Variants in PAPSS1 observed in about 807,000 individuals in gnomAD.
PAPSS1 encodes bifunctional 3'-phosphoadenosine 5'-phosphosulfate synthase 1.
In PAPSS1, 50 loss-of-function variants were observed where a neutral mutation model predicts 72.0. That is an observed-to-expected ratio of 0.69 (90% confidence interval 0.55 to 0.88). The LOEUF (loss-of-function observed/expected upper bound fraction) is 0.88, where lower values mean the gene tolerates loss of function less well. Ranked by LOEUF, PAPSS1 falls within the 40% of genes least tolerant of loss-of-function variation. The pLI is 0.00. For synonymous variants in PAPSS1, 261 were observed against 263.6 expected, an observed-to-expected ratio of 0.99 and a Z score of 0.09; for missense variants, 657 against 782.2, an observed-to-expected ratio of 0.84 and a Z score of 1.91.
chr4:107,674,035 C>T (rs971274404), intron 5 of PAPSS1, among the ~76,000 whole-genome samples: 15 of 148,598 alleles, frequency 1.0e-4, no homozygotes, highest in African/African-American at 3.4e-4. Flanking sequence ...CCTAAAAGAG[C>T]TTCTGAAGGA....
Position 107,701,167 on chromosome 4 carries a change from A to G in PAPSS1, c.175+4T>C. 6.3e-7 allele frequency: 1 copy of G among 1,599,438 alleles called. No homozygotes were observed. The highest frequency in any genetic ancestry group is 8.6e-7 in the Non-Finnish European group (1 of 1,166,826). ...ATAAACTGCTTTCTCTCTCTTGACC[A>G]TACCTGTTAGCCAAACTGTGCAACC... On this transcript the variant is annotated splice_donor_region_variant and intron_variant, in intron 2 of 11. Coordinates refer to ENST00000265174, the MANE Select transcript of PAPSS1 (RefSeq NM_005443.5).
At position 107,630,331 on chromosome 4, in the gene PAPSS1, T is replaced by C. The variant is rs1726197033; in HGVS notation, c.1736+1300A>G. 2.0e-5 allele frequency among the ~76,000 whole-genome samples: 3 copies of C among 152,236 alleles called. No individual in the cohort carries two copies. The South Asian group carries it at 6.2e-4, about 31-fold the overall frequency. ...TCTGTGTTCCCACACAAATTCCATC[T>C]TGAATTATAATCCCCACATGTCAGG... On this transcript the variant is annotated intron_variant, in intron 11 of 11. Transcript: ENST00000265174.
At chr4:107,626,367 C>T (rs1726098054) in intron 11 of PAPSS1, among the ~76,000 whole-genome samples, 1 of 152,040 alleles carries the variant, frequency 6.6e-6, no homozygotes, top group African/African-American at 2.4e-5. Context: ...CTGAATAATC[C>T]TGTATCTATC....
At chr4:107,667,929 C>G (rs7654662) in intron 5 of PAPSS1, among the ~76,000 whole-genome samples, 29,574 of 152,038 alleles carry the variant, frequency 0.19, 3,160 homozygotes, top group East Asian at 0.37. Context: ...ATAGTGTTGT[C>G]TTTGATCTGC....
intron 8 of PAPSS1, among the ~76,000 whole-genome samples, chr4:107,654,040 T>C (rs990552550): frequency 2.6e-5 from 4 of 152,164 alleles, no homozygotes; most frequent in African/African-American, 9.7e-5. Flanking sequence ...CCACACCACC[T>C]CAAATTTCTT....
At chr4:107,617,700 A>G (rs1212653822) in intron 11 of PAPSS1, among the ~76,000 whole-genome samples, 1 of 152,212 alleles carries the variant, frequency 6.6e-6, no homozygotes, top group Non-Finnish European at 1.5e-5. Context: ...CACATTTTAC[A>G]TGTCTACACC....
chr4:107,634,797 A>T (rs867091460), intron 10 of PAPSS1, among the ~76,000 whole-genome samples: 24 of 115,992 alleles, frequency 2.1e-4, no homozygotes, highest in African/African-American at 4.0e-4. Flanking sequence ...TATTCTAGAC[A>T]TTTTTTTTTT....
rs547851158 is a variant in PAPSS1, at chr4:107,673,880, G to A, written c.669+8135C>T. Among the ~76,000 whole-genome samples, 12 of 152,292 alleles carry A rather than the reference G, an allele frequency of 7.9e-5. No individual in the cohort carries two copies. In the South Asian group the frequency reaches 2.1e-3, roughly 26 times the overall value. On this transcript the variant is annotated intron_variant, in intron 5 of 11. Transcript: ENST00000265174. ...GAAGCTCTATAAGCCAGAAGAGAGT[G>A]GGGGCCAATATTCAACATTCTTAAA... is the stretch of plus-strand genomic sequence containing the variant.
In PAPSS1 at chr4:107,671,735, A is replaced by G. The variant is rs186106862; in HGVS notation, c.669+10280T>C. 1.1e-4 allele frequency among the ~76,000 whole-genome samples: 17 copies of G among 152,342 alleles called. No homozygotes were observed. In the East Asian group the frequency reaches 3.1e-3, roughly 28 times the overall value. ...ATGGCATAGCATTTGCATACAATCT[A>G]CACACATCTTCCCATACACTTCATA... On this transcript the variant is annotated intron_variant, in intron 5 of 11. Coordinates refer to ENST00000265174, the MANE Select transcript of PAPSS1 (RefSeq NM_005443.5).
At chr4:107,614,758 C>T (rs1361591575) in intron 11 of PAPSS1, among the ~76,000 whole-genome samples, 1 of 152,130 alleles carries the variant, frequency 6.6e-6, no homozygotes, top group African/African-American at 2.4e-5. Flanking sequence ...AACAATCTAC[C>T]AATCTTACTC....
intron 1 of PAPSS1, among the ~76,000 whole-genome samples, chr4:107,718,635 G>GT (rs1360108621): frequency 1.3e-5 from 2 of 152,208 alleles, no homozygotes; most frequent in Non-Finnish European, 2.9e-5. Context: ...AAGGCAAGCA[G>GT]TAAGTCCCAC....
chr4:107,636,394 G>A (rs1422598035), intron 10 of PAPSS1, among the ~76,000 whole-genome samples: 1 of 152,154 alleles, frequency 6.6e-6, no homozygotes, highest in African/African-American at 2.4e-5. Context: ...GGGGAGAAAC[G>A]AAACAAACGT....
chr4:107,643,669 G>C (rs889559438), intron 10 of PAPSS1, among the ~76,000 whole-genome samples: 3 of 152,238 alleles, frequency 2.0e-5, no homozygotes, highest in African/African-American at 7.2e-5. Flanking sequence ...CCTAGGGGGA[G>C]GACAAGTAGT....
chr4:107,665,004 CA>C (rs1156823564), intron 5 of PAPSS1, among the ~76,000 whole-genome samples: 2 of 152,166 alleles, frequency 1.3e-5, no homozygotes, highest in African/African-American at 4.8e-5. Flanking sequence ...AACTTCAATA[CA>C]AAATTCTTCT....
chr4:107,719,007 C>G (rs1054375085), intron 1 of PAPSS1, among the ~76,000 whole-genome samples: 1 of 152,170 alleles, frequency 6.6e-6, no homozygotes, highest in Non-Finnish European at 1.5e-5. Flanking sequence ...GGATGAGAGA[C>G]CAGGCCAGGA....
At chr4:107,673,552 T>C (rs778268736) in intron 5 of PAPSS1, among the ~76,000 whole-genome samples, 87 of 151,958 alleles carry the variant, frequency 5.7e-4, no homozygotes, top group African/African-American at 2.0e-3. Flanking sequence ...CCAAGAAATA[T>C]GGGACTATGT....
chr4:107,716,494 G>A (rs577676517), intron 1 of PAPSS1, among the ~76,000 whole-genome samples: 13 of 152,230 alleles, frequency 8.5e-5, no homozygotes, highest in South Asian at 6.2e-4. Context: ...AGTTTCAAAC[G>A]CTTCTTTTAG....
At chr4:107,654,424 C>T (rs1337448739) in intron 8 of PAPSS1, among the ~76,000 whole-genome samples, 1 of 152,180 alleles carries the variant, frequency 6.6e-6, no homozygotes, top group Non-Finnish European at 1.5e-5. Context: ...AAACACTGTG[C>T]CGGTGGTGTC....
chr4:107,698,702 C>A (rs1723134417), intron 2 of PAPSS1, among the ~76,000 whole-genome samples: 2 of 152,130 alleles, frequency 1.3e-5, no homozygotes, highest in African/African-American at 4.8e-5. Context: ...GTGGACAAGT[C>A]CGAGAGTTAA....
Sources: gnomAD v4.1 joint callset for allele counts (sites outside exome capture counted in the v4.1 genomes callset) on GRCh38, gnomAD v4.1.1 for gene constraint, MANE v1.5 for transcripts, NCBI Gene and HGNC (gene_info 2026-07-23, HGNC 2026-07-21) for gene names.